The following TPD52L1 variants were observed in gnomAD, a reference collection of about 807,000 sequenced individuals.
TPD52L1 encodes tumor protein D53.
A neutral mutation model predicts 28.7 loss-of-function variants in TPD52L1; 18 were observed. The ratio of observed to expected loss-of-function variants is 0.63; its 90% CI spans 0.43 to 0.93. The LOEUF (loss-of-function observed/expected upper bound fraction) is 0.93. Among genes scored for constraint, TPD52L1 ranks in the 40% least tolerant of loss-of-function variants. The pLI, the probability that TPD52L1 is intolerant of heterozygous loss-of-function variation, is 0.00. For synonymous variants in TPD52L1, 75 were observed against 88.8 expected (o/e 0.84, Z 0.88); for missense variants, 203 against 254.8 (o/e 0.80, Z 1.39).
chr6:125,253,297 C>A (rs1445877156), intron 4 of TPD52L1: 1 of 191,602 alleles, frequency 5.2e-6, no homozygotes. Context: ...GTTTCTCTAC[C>A]ATGGAATGAT....
chr6:125,195,156 G>A (rs1793340328), intron 1 of TPD52L1, among the ~76,000 whole-genome samples: 1 of 152,204 alleles, frequency 6.6e-6, no homozygotes, highest in South Asian at 2.1e-4. Flanking sequence ...TGGGTTTTCT[G>A]TCAACTGGCC....
intron 1 of TPD52L1, among the ~76,000 whole-genome samples, chr6:125,218,605 G>A (rs548315654): frequency 3.1e-4 from 47 of 152,078 alleles, no homozygotes; most frequent in East Asian, 9.7e-4. Flanking sequence ...AATCTTGTTC[G>A]TCCGTTTTTC....
At chr6:125,193,438 T>A (rs1793193511) in intron 1 of TPD52L1, among the ~76,000 whole-genome samples, 1 of 151,900 alleles carries the variant, frequency 6.6e-6, no homozygotes, top group African/African-American at 2.4e-5. Flanking sequence ...TCAGGAGTAT[T>A]GGGATGGGAA....
At chr6:125,166,395 G>C in intron 1 of TPD52L1, among the ~76,000 whole-genome samples, 1 of 152,180 alleles carries the variant, frequency 6.6e-6, no homozygotes, top group East Asian at 1.9e-4. Flanking sequence ...GTCAGCCCTG[G>C]GAAGAAGTAT....
chr6:125,238,377 T>C (rs1387256734), intron 3 of TPD52L1, among the ~76,000 whole-genome samples: 1 of 152,224 alleles, frequency 6.6e-6, no homozygotes, highest in African/African-American at 2.4e-5. Flanking sequence ...ATTTCAATAG[T>C]CTTTGGGAAA....
chr6:125,220,715 C>T (rs978012397), intron 2 of TPD52L1, among the ~76,000 whole-genome samples: 13 of 152,162 alleles, frequency 8.5e-5, no homozygotes, highest in African/African-American at 2.9e-4. Flanking sequence ...AATGCTTCAT[C>T]GAGGCCTAAT....
intron 1 of TPD52L1, among the ~76,000 whole-genome samples, chr6:125,163,932 G>GA (rs1457311118): frequency 1.8e-3 from 247 of 139,852 alleles, no homozygotes; most frequent in African/African-American, 6.2e-3. Flanking sequence ...AAAAAAAAAA[G>GA]AAAACAAAAG....
intron 1 of TPD52L1, among the ~76,000 whole-genome samples, chr6:125,167,125 C>T (rs538474757): frequency 1.1e-3 from 172 of 152,064 alleles, no homozygotes; most frequent in Middle Eastern, 6.8e-3. Context: ...ATTAGCCAGG[C>T]GTGGTAGTGC....
At chr6:125,235,399 C>T (rs1037410926) in intron 3 of TPD52L1, among the ~76,000 whole-genome samples, 2 of 151,788 alleles carry the variant, frequency 1.3e-5, no homozygotes, top group Non-Finnish European at 2.9e-5. Context: ...GATAGCTGAT[C>T]AGCTAAAAAG....
In TPD52L1 at chr6:125,250,652, T is replaced by A. The variant is rs562170300; in HGVS notation, c.386+2269T>A. ...CATTGTTTTTCCCAATAGTGAAGAA[T>A]GAAGACTGTGTTTCACATATGCAAT... On this transcript the variant is annotated intron_variant, in intron 4 of 6. Transcript: ENST00000534000. Among the ~76,000 whole-genome samples, 5 of 152,338 alleles carry A rather than the reference T, an allele frequency of 3.3e-5. No individual in the cohort carries two copies. In the South Asian group the frequency reaches 1.0e-3, roughly 32 times the overall value.
chr6:125,189,029 C>T (rs1237111543), intron 1 of TPD52L1, among the ~76,000 whole-genome samples: 1 of 152,144 alleles, frequency 6.6e-6, no homozygotes. Context: ...GTGGTAGATG[C>T]CTTAGCTAAC....
chr6:125,159,249 A>G (rs1206427569), intron 1 of TPD52L1, among the ~76,000 whole-genome samples: 1 of 152,222 alleles, frequency 6.6e-6, no homozygotes, highest in Non-Finnish European at 1.5e-5. Context: ...CCACTGCTTT[A>G]TCGACTAAAT....
intron 1 of TPD52L1, among the ~76,000 whole-genome samples, chr6:125,176,835 G>A (rs949543288): frequency 1.3e-5 from 2 of 152,194 alleles, no homozygotes; most frequent in South Asian, 2.1e-4. Flanking sequence ...CCAGAAGTTC[G>A]AGACCAGCCT....
chr6:125,254,614 T>C (rs187439703), intron 5 of TPD52L1, among the ~76,000 whole-genome samples: 16 of 152,252 alleles, frequency 1.1e-4, no homozygotes, highest in African/African-American at 3.9e-4. Context: ...CTGCTTTATA[T>C]TGATGTTGTT....
chr6:125,256,931 C>A (rs554851053), intron 5 of TPD52L1, among the ~76,000 whole-genome samples, 167 bp from the exon 6 acceptor site: 1 of 152,334 alleles, frequency 6.6e-6, no homozygotes, highest in African/African-American at 2.4e-5. Context: ...CTGAACCTAA[C>A]CTAACAGAAG....
chr6:125,253,125 G>C (rs1797378625), intron 4 of TPD52L1: 1 of 152,382 alleles, frequency 6.6e-6, no homozygotes, highest in African/African-American at 2.4e-5. Context: ...AGGAATGTTT[G>C]TGTTTGTACC....
chr6:125,160,727 A>G (rs577413068), intron 1 of TPD52L1, among the ~76,000 whole-genome samples: 14 of 152,284 alleles, frequency 9.2e-5, no homozygotes, highest in African/African-American at 3.1e-4. Flanking sequence ...CATCTATATG[A>G]AAATGTGTTG....
intron 5 of TPD52L1, chr6:125,253,968 C>T: frequency 1.3e-6 from 1 of 745,708 alleles, no homozygotes; most frequent in Non-Finnish European, 2.5e-6. Context: ...CTGTGTGATC[C>T]AAGACAAGTG....
rs545588261 is a variant in TPD52L1 at position 125,202,656 on chromosome 6, G to C, written c.20-17422G>C. 2.0e-5 allele frequency among the ~76,000 whole-genome samples: 3 copies of C among 152,084 alleles called. No individual in the cohort carries two copies. The East Asian group carries it at 5.8e-4, about 29-fold the overall frequency. On this transcript the variant is annotated intron_variant, in intron 1 of 6. Coordinates refer to ENST00000534000, the MANE Select transcript of TPD52L1 (RefSeq NM_003287.4). Reference sequence around the variant, plus strand: ...CTTTTTATTAATGAGCTTGAATTCAGAATAATTTATTACCCTGGAGTTTTC... The same window carrying C: ...CTTTTTATTAATGAGCTTGAATTCACAATAATTTATTACCCTGGAGTTTTC...
Sources: allele counts gnomAD v4.1 joint callset (sites outside exome capture counted in the v4.1 genomes callset), GRCh38; gene constraint gnomAD v4.1.1; transcripts MANE v1.5; gene names NCBI Gene and HGNC (gene_info 2026-07-23, HGNC 2026-07-21).